Variants in TM9SF3 observed in about 807,000 individuals in gnomAD.
The protein encoded by TM9SF3 is SM-11044-binding protein.
A neutral mutation model predicts 78.6 loss-of-function variants in TM9SF3; 14 were observed. That is an observed-to-expected ratio of 0.18 (90% CI 0.12 to 0.28). TM9SF3 has a LOEUF of 0.28. Among genes scored for constraint, TM9SF3 ranks in the 10% least tolerant of loss-of-function variants. The pLI is 1.00. For missense variants in TM9SF3, 496 were observed against 721.9 expected (o/e 0.69, Z 3.59); for synonymous variants, 231 against 241.7 (o/e 0.96, Z 0.41).
intron 7 of TM9SF3, among the ~76,000 whole-genome samples, chr10:96,548,797 CAAAAAA>C (rs5787196): frequency 1.7e-5 from 1 of 58,482 alleles, no homozygotes; most frequent in Admixed American, 1.7e-4. Context: ...GACTCCATCT[CAAAAAA>C]AAAAAAAAAA....
chr10:96,533,123 C>T lies in TM9SF3; in HGVS notation c.1253G>A (p.Arg418Gln). Reference protein sequence around the residue: ...PLNLVGTILGRNLSGQPNFPC... With the variant: ...PLNLVGTILGQNLSGQPNFPC... ...AAAGTTGGGCTGACCTGACAGATTTCGGCCAAGTATTGTACCAACAAGATT... is the reference window on the plus strand; with the variant it reads ...AAAGTTGGGCTGACCTGACAGATTTTGGCCAAGTATTGTACCAACAAGATT... Residue 418 changes from arginine to glutamine, a missense_variant, in exon 10 of 15, where the codon CGA (arginine) becomes CAA (glutamine). Arg to Gln is a conservative substitution (Grantham distance 43). This residue lies in a region of TM9SF3 where 280 missense variants were observed against 422.6 expected (regional missense o/e 0.66). Transcript: ENST00000371142. 1 of 1,613,938 alleles carries T rather than the reference C, an allele frequency of 6.2e-7. No homozygotes were observed. Among genetic ancestry groups the T allele is most frequent in the East Asian group, 2.2e-5 (1 of 44,860 alleles).
chr10:96,536,610 A>G lies in TM9SF3; in HGVS notation c.1186-3420T>C, dbSNP rs539324182. ...GTCAACACTCAAAAATAGGGTGTAA[A>G]CTGTTCAAGTCCACTTACAAGTGGA... On this transcript the variant is annotated intron_variant, in intron 9 of 14. Transcript: ENST00000371142. Among the ~76,000 whole-genome samples, 16 of 152,236 alleles carry G rather than the reference A, an allele frequency of 1.1e-4. No homozygotes were observed. The East Asian group carries it at 2.9e-3, about 28-fold the overall frequency.
intron 9 of TM9SF3, 158 bp downstream of exon 9, chr10:96,543,918 T>A (rs1837433485): frequency 3.3e-6 from 2 of 611,026 alleles, no homozygotes; most frequent in South Asian, 1.0e-4. Flanking sequence ...TTATGGAGGC[T>A]AACAACAGTA....
chr10:96,533,292 AT>A (rs1413320169), intron 9 of TM9SF3, 102 bp from the exon 10 acceptor site: 2 of 1,382,662 alleles, frequency 1.4e-6, no homozygotes, highest in Non-Finnish European at 1.9e-6. Context: ...ACAAAAGAAA[AT>A]GTTTAAGTTC....
rs148011771 is a variant in TM9SF3, at chr10:96,523,435, A to T, written c.1703-1105T>A. The stretch of plus-strand genomic sequence containing the variant: ...GTATGAACTATACCCCAAGGCTACC[A>T]ACTGGTTGATGAAAGGAAGGTTATC... On this transcript the variant is annotated intron_variant, in intron 14 of 14. Transcript: ENST00000371142. Among the ~76,000 whole-genome samples the T allele has an allele frequency of 3.6e-4, 54 of 151,982 alleles. No homozygotes were observed. The East Asian group carries it at 0.01, about 28-fold the overall frequency.
intron 6 of TM9SF3, among the ~76,000 whole-genome samples, chr10:96,551,873 A>C (rs1169601474): frequency 1.3e-5 from 2 of 152,214 alleles, no homozygotes; most frequent in Non-Finnish European, 2.9e-5. Context: ...CTAAGAAAAC[A>C]TATGGGGGAA....
intron 6 of TM9SF3, among the ~76,000 whole-genome samples, chr10:96,552,243 G>A (rs1280276030): frequency 2.0e-5 from 3 of 152,068 alleles, no homozygotes; most frequent in Non-Finnish European, 4.4e-5. Flanking sequence ...TTTGAGGCCA[G>A]GAGCTCAAGA....
intron 11 of TM9SF3, among the ~76,000 whole-genome samples, chr10:96,528,512 T>C (rs17391547): frequency 0.18 from 26,712 of 152,036 alleles, 2,608 homozygotes; most frequent in Admixed American, 0.29. Context: ...TATTGTTTTG[T>C]AGATACAACA....
At chr10:96,559,578 C>A in intron 5 of TM9SF3, 81 bp downstream of exon 5, 1 of 979,508 alleles carries the variant, frequency 1.0e-6, no homozygotes, top group Non-Finnish European at 1.5e-6. Context: ...CAACACAGTG[C>A]CCTGCAAATG....
At chr10:96,574,234 C>A (rs893701248) in intron 2 of TM9SF3, among the ~76,000 whole-genome samples, 20 of 151,866 alleles carry the variant, frequency 1.3e-4, no homozygotes, top group Non-Finnish European at 1.8e-4. Flanking sequence ...CAAGAAAAAA[C>A]CAAACAACCC....
chr10:96,557,373 T>G (rs1848246590), intron 5 of TM9SF3, among the ~76,000 whole-genome samples: 1 of 112,308 alleles, frequency 8.9e-6, no homozygotes, highest in Non-Finnish European at 1.9e-5. Context: ...CAACCCTTCT[T>G]CACCTTCCTA....
Position 96,582,299 on chromosome 10 carries a change from G to A in TM9SF3, c.102+4435C>T, listed in dbSNP as rs78310110. On this transcript the variant is annotated intron_variant, in intron 1 of 14. Transcript: ENST00000371142. ...GACAGGTAGAAAAGACAAGACTGGC[G>A]ATCAGGAAGCTCTGATTCTTTCTGT... Among the ~76,000 whole-genome samples the A allele has an allele frequency of 8.5e-5, 13 of 152,284 alleles. No individual in the cohort carries two copies. The South Asian group carries it at 2.5e-3, about 29-fold the overall frequency.
At chr10:96,555,161 C>T (rs778482523) in intron 5 of TM9SF3, among the ~76,000 whole-genome samples, 9 of 152,026 alleles carry the variant, frequency 5.9e-5, no homozygotes, top group Non-Finnish European at 8.8e-5. Context: ...TCTCTCATAT[C>T]AAATCTAAAC....
At chr10:96,546,075 G>A (rs181872843) in intron 8 of TM9SF3, among the ~76,000 whole-genome samples, 30 of 152,226 alleles carry the variant, frequency 2.0e-4, no homozygotes, top group African/African-American at 6.5e-4. Context: ...TAAGGTCCTG[G>A]ATACCACTGG....
chr10:96,564,402 C>T (rs766221814), intron 3 of TM9SF3, among the ~76,000 whole-genome samples: 21 of 152,138 alleles, frequency 1.4e-4, no homozygotes, highest in Non-Finnish European at 2.6e-4. Flanking sequence ...ACTGTCAGAG[C>T]GGATCAGAGA....
At position 96,527,228 on chromosome 10, in the gene TM9SF3, A is replaced by G. The variant is rs1278553849; in HGVS notation, c.1687T>C (p.Leu563=). The change falls in exon 14 of 15, where the codon TTG becomes CTG. Residue 563 remains leucine (L), a synonymous_variant. Coordinates refer to ENST00000371142, the MANE Select transcript of TM9SF3 (RefSeq NM_020123.4). ...CAAAACTTACCACACATTATCCCCA[A>G]GGCTGTGCTAAATACCGCCATATAT... ...FGYMAVFSTA[L]GIMCGAIGYM... The G allele has an allele frequency of 4.3e-6, 7 of 1,611,058 alleles. No homozygotes were observed. Among genetic ancestry groups the G allele is most frequent in the Non-Finnish European group, 5.1e-6 (6 of 1,178,666 alleles).
intron 5 of TM9SF3, among the ~76,000 whole-genome samples, chr10:96,555,426 T>C (rs1379179307): frequency 1.3e-5 from 2 of 152,232 alleles, no homozygotes; most frequent in Non-Finnish European, 2.9e-5. Flanking sequence ...AAACCTCTTA[T>C]CTACATATTC....
chr10:96,583,234 C>A (rs1369969160), intron 1 of TM9SF3, among the ~76,000 whole-genome samples: 1 of 152,064 alleles, frequency 6.6e-6, no homozygotes, highest in African/African-American at 2.4e-5. Flanking sequence ...CTTCTTAGGA[C>A]AAGCTATATA....
chr10:96,553,566 C>G (rs1161321163), intron 5 of TM9SF3, among the ~76,000 whole-genome samples: 1 of 151,784 alleles, frequency 6.6e-6, no homozygotes, highest in Non-Finnish European at 1.5e-5. Context: ...ATCTGAAAAC[C>G]TCCTTAAAAT....
Sources: gnomAD v4.1 joint callset for allele counts (sites outside exome capture counted in the v4.1 genomes callset) on GRCh38, gnomAD v4.1.1 for gene constraint, gnomAD v4.1.1 regional missense constraint, MANE v1.5 for transcripts, NCBI Gene and HGNC (gene_info 2026-07-23, HGNC 2026-07-21) for gene names.